The following UGT2A2 variants were observed in gnomAD, a reference collection of about 807,000 sequenced individuals.
UGT2A2 encodes the protein UDP glucuronosyltransferase family 2 member A2, also known as UDP-glucuronosyltransferase 2A2.
Under a neutral mutation model 50.7 loss-of-function variants are expected in UGT2A2, and 60 were observed. That is an observed-to-expected ratio of 1.18 (90% confidence interval 0.96 to 1.47). The LOEUF is 1.47. Ranked by LOEUF, UGT2A2 falls within the 40% of genes most tolerant of loss-of-function variation. The pLI, the probability that UGT2A2 is intolerant of heterozygous loss-of-function variation, is 0.00. For synonymous variants in UGT2A2, 242 were observed against 214.6 expected, an observed-to-expected ratio of 1.13 and a Z score of -1.11; for missense variants, 762 against 634.0, an observed-to-expected ratio of 1.20 and a Z score of -2.17.
At position 69,596,464 on chromosome 4, in the gene UGT2A2, A is replaced by G. The variant is rs1240646148; in HGVS notation, c.892-83T>C. ...TTACTTACACATTTAAGTAGGTAAA[A>G]TTAAGATATATGTCAGAGAAACTGT... On this transcript the variant is annotated intron_variant, in intron 2 of 5. Transcript: ENST00000604629. The G allele has an allele frequency of 7.2e-6, 10 of 1,379,962 alleles. No individual in the cohort carries two copies. In the African/African-American group the frequency reaches 1.5e-4, roughly 20 times the overall value. The allele number at this position is 1,379,962 out of a possible 1,614,324, so 85.5% of individuals were successfully genotyped here. A position where few individuals can be genotyped will look rare whatever the true frequency, so the allele number is the denominator to read the frequency against.
chr4:69,632,076 T>G (rs970568304), intron 1 of UGT2A2, among the ~76,000 whole-genome samples: 3 of 152,190 alleles, frequency 2.0e-5, no homozygotes, highest in African/African-American at 7.2e-5. Context: ...ACTTTATTTT[T>G]GAAAGAGATT....
chr4:69,618,471 T>G (rs4148289), intron 1 of UGT2A2, among the ~76,000 whole-genome samples: 53,387 of 151,602 alleles, frequency 0.35, 9,743 homozygotes, highest in African/African-American at 0.43. Flanking sequence ...TAACTTTGTT[T>G]ATTGAAAGGG....
chr4:69,638,211 C>T (rs1419404829), intron 1 of UGT2A2, among the ~76,000 whole-genome samples: 3 of 151,900 alleles, frequency 2.0e-5, no homozygotes, highest in South Asian at 2.1e-4. Context: ...GAGGCAAAAT[C>T]ATCAAGAGAG....
chr4:69,620,353 C>T (rs1720675080), intron 1 of UGT2A2, among the ~76,000 whole-genome samples: 1 of 134,142 alleles, frequency 7.5e-6, no homozygotes, highest in Non-Finnish European at 1.7e-5. Flanking sequence ...AGCAGAGAAC[C>T]AAATCAGGAA....
chr4:69,619,257 C>T (rs556047401), intron 1 of UGT2A2, among the ~76,000 whole-genome samples: 83 of 151,538 alleles, frequency 5.5e-4, no homozygotes, highest in African/African-American at 1.9e-3. Context: ...AAAAATTAGC[C>T]AAGTGTGGTG....
intron 5 of UGT2A2, among the ~76,000 whole-genome samples, chr4:69,592,220 C>T (rs1718634079): frequency 6.6e-6 from 1 of 152,086 alleles, no homozygotes; most frequent in Admixed American, 6.6e-5. Context: ...TCTCAGCCTT[C>T]AGGAAAAGTG....
chr4:69,629,934 C>T (rs74712271), intron 1 of UGT2A2, among the ~76,000 whole-genome samples: 2 of 152,052 alleles, frequency 1.3e-5, no homozygotes, highest in South Asian at 2.1e-4. Flanking sequence ...TGTATATTAT[C>T]ATTGCAATAG....
At chr4:69,602,112 T>C (rs115342517) in intron 1 of UGT2A2, among the ~76,000 whole-genome samples, 2,359 of 136,316 alleles carry the variant, frequency 0.017, 623 homozygotes, top group African/African-American at 0.068. Context: ...TATGAAAAAG[T>C]TGGACTCATT....
intron 1 of UGT2A2, among the ~76,000 whole-genome samples, chr4:69,623,234 A>G (rs976474711): frequency 2.6e-5 from 4 of 151,794 alleles, no homozygotes; most frequent in Non-Finnish European, 4.4e-5. Context: ...ACTGCATGCC[A>G]AGTGATACCA....
intron 1 of UGT2A2, among the ~76,000 whole-genome samples, chr4:69,625,692 T>G (rs1721016008): frequency 6.6e-6 from 1 of 151,428 alleles, no homozygotes; most frequent in African/African-American, 2.4e-5. Flanking sequence ...AGGTCTACAC[T>G]ATAGCACTTA....
intron 1 of UGT2A2, among the ~76,000 whole-genome samples, chr4:69,633,578 T>C (rs531180081): frequency 6.6e-6 from 1 of 152,268 alleles, no homozygotes; most frequent in South Asian, 2.1e-4. Flanking sequence ...ATAAATAAAA[T>C]GTGATACATT....
intron 1 of UGT2A2, among the ~76,000 whole-genome samples, chr4:69,611,192 CT>C (rs1171712156): frequency 6.6e-6 from 1 of 151,576 alleles, no homozygotes; most frequent in Non-Finnish European, 1.5e-5. Context: ...GTCACTCAAG[CT>C]GGAGTGCAGT....
At chr4:69,594,406 A>T (rs1185942728) in intron 5 of UGT2A2, 71 bp downstream of exon 5, 37 of 1,552,364 alleles carry the variant, frequency 2.4e-5, no homozygotes, top group Non-Finnish European at 3.2e-5. Context: ...AGTATAAAAG[A>T]ATGTACATTT....
intron 1 of UGT2A2, among the ~76,000 whole-genome samples, chr4:69,625,003 CA>C (rs144107776): frequency 2.7e-5 from 4 of 150,262 alleles, no homozygotes; most frequent in South Asian, 4.2e-4. Context: ...CTTGTAGCAA[CA>C]AAAAAAATCA....
Position 69,589,541 on chromosome 4 carries a change from T to C in UGT2A2, c.1442A>G (p.Lys481Arg). 2 of 1,614,116 alleles carry C rather than the reference T, an allele frequency of 1.2e-6. No homozygotes were observed. Among genetic ancestry groups the C allele is most frequent in the Non-Finnish European group, 1.7e-6 (2 of 1,179,966 alleles). Residue 481 changes from lysine (K) to arginine (R), a missense_variant, in exon 6 of 6, where the codon AAG becomes AGG. Lys to Arg is a conservative substitution (Grantham distance 26). Transcript: ENST00000604629. Reference sequence around the variant, plus strand: ...GTCATGGGCTGCAACCCGAAGGTGCTTGGCTCCTTTGTGGCGCATGACAAA... The same window carrying C: ...GTCATGGGCTGCAACCCGAAGGTGCCTGGCTCCTTTGTGGCGCATGACAAA... ...IEFVMRHKGA[K>R]HLRVAAHDLT...
intron 1 of UGT2A2, among the ~76,000 whole-genome samples, chr4:69,607,975 C>T (rs1360478617): frequency 1.3e-5 from 2 of 152,120 alleles, no homozygotes; most frequent in Non-Finnish European, 2.9e-5. Context: ...GTTGGTGGGA[C>T]TGTAAACTAG....
rs188486348 is a variant in UGT2A2, at chr4:69,605,370, T to C, written c.743-5976A>G. Among the ~76,000 whole-genome samples, 600 of 136,250 alleles carry C rather than the reference T, an allele frequency of 4.4e-3. 97 individuals are homozygous for C. The highest frequency in any genetic ancestry group is 6.4e-3 in the Non-Finnish European group (407 of 64,016). The allele number at this position is 136,250 out of a possible 152,430, so 89.4% of individuals were successfully genotyped here. On this transcript the variant is annotated intron_variant, in intron 1 of 5. Coordinates refer to ENST00000604629, the MANE Select transcript of UGT2A2 (RefSeq NM_001105677.2). ...CAGAAATAAAGATGTTCTTTGAAAC[T>C]AACGACAACAAAGACACAACATACC... is the stretch of plus-strand genomic sequence containing the variant.
chr4:69,635,223 C>G (rs1363755200), intron 1 of UGT2A2, among the ~76,000 whole-genome samples: 1 of 151,994 alleles, frequency 6.6e-6, no homozygotes, highest in Non-Finnish European at 1.5e-5. Context: ...AATATATCAG[C>G]AGGGAAAGAG....
At position 69,632,815 on chromosome 4, in the gene UGT2A2, G is replaced by A. The variant is rs910410573; in HGVS notation, c.742+6084C>T. ...AGGCAGGAAAATCGCTTGAACCCAGGAGGCGGGGGTTGCAGTGAGCCGAGA... is the reference window on the plus strand; with the variant it reads ...AGGCAGGAAAATCGCTTGAACCCAGAAGGCGGGGGTTGCAGTGAGCCGAGA... On this transcript the variant is annotated intron_variant, in intron 1 of 5. Transcript: ENST00000604629. Among the ~76,000 whole-genome samples, 3 of 151,692 alleles carry A rather than the reference G, an allele frequency of 2.0e-5. No homozygotes were observed. The South Asian group carries it at 6.3e-4, about 32-fold the overall frequency.
Sources: gnomAD v4.1 joint callset for allele counts (sites outside exome capture counted in the v4.1 genomes callset) on GRCh38, gnomAD v4.1.1 for gene constraint, MANE v1.5 for transcripts, NCBI Gene and HGNC (gene_info 2026-07-23, HGNC 2026-07-21) for gene names.